The following EFCAB7 variants were observed in gnomAD, a reference collection of about 807,000 sequenced individuals.
The protein encoded by EFCAB7 is EF-hand calcium binding domain 7.
EFCAB7 carries 66 observed loss-of-function variants against 77.1 expected under a neutral mutation model. The observed-to-expected ratio is 0.86, with a 90% CI of 0.70 to 1.05. The LOEUF (loss-of-function observed/expected upper bound fraction) is 1.05, where lower values mean the gene tolerates loss of function less well. EFCAB7 is among the 50% of genes least tolerant of loss of function. The pLI, the probability that EFCAB7 is intolerant of heterozygous loss-of-function variation, is 0.00. For synonymous variants in EFCAB7, 225 were observed against 243.3 expected (o/e 0.92, Z 0.70); for missense variants, 638 against 730.5 (o/e 0.87, Z 1.46).
At chr1:63,523,985 T>C (rs1646529804) in intron 1 of EFCAB7, among the ~76,000 whole-genome samples, 1 of 152,096 alleles carries the variant, frequency 6.6e-6, no homozygotes, top group Admixed American at 6.5e-5. Flanking sequence ...TCTAGGCCCC[T>C]GTCTCAGTCT....
At chr1:63,532,603 A>G in intron 3 of EFCAB7, 67 bp from the exon 4 acceptor site, 4 of 1,239,064 alleles carry the variant, frequency 3.2e-6, no homozygotes, top group East Asian at 2.5e-5. Flanking sequence ...ATGTGCTTCC[A>G]CTGTCCCCAT....
chr1:63,565,191 G>T (rs217472), intron 11 of EFCAB7, among the ~76,000 whole-genome samples: 53,191 of 151,738 alleles, frequency 0.35, 9,483 homozygotes, highest in East Asian at 0.48. Flanking sequence ...AACCCCGTCT[G>T]TACTAAAAAT....
In EFCAB7 at chr1:63,545,926, A is replaced by G. The variant is rs774724419; in HGVS notation, c.815A>G (p.His272Arg). ...TTTCCTTCATTTCAGGACTGGCAAC[A>G]CATGCAATCAAAAGGTTGCTTCTTC... ...MEPNLIKDWQ[H>R]MQSKGCFFLE... Residue 272 changes from histidine (H) to arginine (R), a missense_variant, in exon 7 of 14, where the codon CAC becomes CGC. Coordinates refer to ENST00000371088, the MANE Select transcript of EFCAB7 (RefSeq NM_032437.4). The G allele has an allele frequency of 1.2e-6, 2 of 1,613,468 alleles. No individual in the cohort carries two copies. Among genetic ancestry groups the G allele is most frequent in the Non-Finnish European group, 1.7e-6 (2 of 1,179,808 alleles).
At chr1:63,551,674 A>T in intron 7 of EFCAB7, 51 bp from the exon 8 acceptor site, 1 of 807,734 alleles carries the variant, frequency 1.2e-6, no homozygotes, top group Non-Finnish European at 1.9e-6. Flanking sequence ...AGGAAAGAAT[A>T]GATAGTGATT....
intron 11 of EFCAB7, among the ~76,000 whole-genome samples, chr1:63,567,483 T>C (rs931038571): frequency 2.6e-5 from 4 of 151,920 alleles, no homozygotes; most frequent in African/African-American, 9.7e-5. Context: ...CAAAGGTGTT[T>C]TGAAACAACT....
rs1404970003 is a variant in EFCAB7, at chr1:63,555,456, T to G, written c.1155T>G (p.Asp385Glu). The part of the protein sequence containing the change: ...RLRKKIKPVT[D>E]EAQLVYRDET... ...GGAAAAAAATAAAACCAGTAACAGA[T>G]GAAGCCCAACTTGTATATAGAGATG... Residue 385 changes from aspartate (D) to glutamate (E), a missense_variant, in exon 9 of 14, where the codon GAT becomes GAG. Physicochemically the swap from Asp to Glu is conservative, Grantham distance 45. Transcript: ENST00000371088. 6.2e-7 allele frequency: 1 copy of G among 1,614,034 alleles called. No individual in the cohort carries two copies. Among genetic ancestry groups the G allele is most frequent in the Non-Finnish European group, 8.5e-7 (1 of 1,179,946 alleles).
the EFCAB7 span, among the ~76,000 whole-genome samples, chr1:63,579,873 C>G: frequency 6.6e-6 from 1 of 152,234 alleles, no homozygotes; most frequent in South Asian, 2.1e-4. Context: ...TTCTTCAAGC[C>G]TTTTGCCCAT....
Position 63,531,887 on chromosome 1 carries a change from C to G in EFCAB7, c.255C>G (p.Ala85=), listed in dbSNP as rs1646701422. 6.2e-7 allele frequency: 1 copy of G among 1,613,194 alleles called. No individual in the cohort carries two copies. ...ATAAGTATTGGACTCCTCAAACTGC[C>G]AAACTGAATTTTGATGATTTTTGTA... ...TINKYWTPQT[A]KLNFDDFCII... Residue 85 remains alanine (A), a synonymous_variant, in exon 3 of 14, where the codon GCC becomes GCG. Transcript: ENST00000371088.
At chr1:63,556,763 C>A (rs1325918019) in intron 9 of EFCAB7, among the ~76,000 whole-genome samples, 1 of 151,736 alleles carries the variant, frequency 6.6e-6, no homozygotes, top group Admixed American at 6.6e-5. Context: ...TGGTTCACGC[C>A]TGTAATCCCA....
rs1490100269 is a variant in EFCAB7, at chr1:63,534,258, A to G, written c.804+42A>G. ...TAACAGATGACTTTTTCTGAAAAAA[A>G]TTTGACATTAAGTTTATTAATAACT... On this transcript the variant is annotated intron_variant, in intron 6 of 13. Coordinates refer to ENST00000371088, the MANE Select transcript of EFCAB7 (RefSeq NM_032437.4). 3 of 1,573,200 alleles carry G rather than the reference A, an allele frequency of 1.9e-6. No individual in the cohort carries two copies. In the Admixed American group the frequency reaches 5.2e-5, roughly 27 times the overall value.
At chr1:63,575,003 A>T (rs1263824478), downstream of EFCAB7, among the ~76,000 whole-genome samples, 1 of 152,206 alleles carries the variant, frequency 6.6e-6, no homozygotes, top group Non-Finnish European at 1.5e-5. Flanking sequence ...TCTTTAGCAT[A>T]TTTATAAATT....
intron 9 of EFCAB7, 81 bp from the exon 10 acceptor site, chr1:63,557,033 G>A (rs1440258713): frequency 8.7e-5 from 95 of 1,094,084 alleles, no homozygotes; most frequent in South Asian, 1.8e-4. Context: ...GTGAGACTCC[G>A]TCTCAAAAAA....
At chr1:63,551,273 G>T (rs1646960918) in intron 7 of EFCAB7, among the ~76,000 whole-genome samples, 1 of 152,142 alleles carries the variant, frequency 6.6e-6, no homozygotes, top group Non-Finnish European at 1.5e-5. Context: ...GTGCCTTATT[G>T]CAAATGCTAT....
chr1:63,548,433 T>C (rs1646925347), intron 7 of EFCAB7: 1 of 152,256 alleles, frequency 6.6e-6, no homozygotes, highest in African/African-American at 2.4e-5. Flanking sequence ...TCTAGGTAGT[T>C]TTTGTTTTTG....
At chr1:63,562,252 G>T in intron 11 of EFCAB7, among the ~76,000 whole-genome samples, 1 of 151,580 alleles carries the variant, frequency 6.6e-6, no homozygotes, top group Non-Finnish European at 1.5e-5. Context: ...TGGATTTCTG[G>T]TCTTTTTATA....
At chr1:63,565,858 C>G (rs1647164888) in intron 11 of EFCAB7, among the ~76,000 whole-genome samples, 2 of 152,096 alleles carry the variant, frequency 1.3e-5, no homozygotes, top group Admixed American at 1.3e-4. Flanking sequence ...ATAAAAGATG[C>G]TGTTGAGATT....
Position 63,546,641 on chromosome 1 carries a change from T to C in EFCAB7, c.946+584T>C, listed in dbSNP as rs530697353. Among the ~76,000 whole-genome samples, 5 of 152,334 alleles carry C rather than the reference T, an allele frequency of 3.3e-5. No individual in the cohort carries two copies. In the South Asian group the frequency reaches 1.0e-3, roughly 32 times the overall value. ...CTTCGGCCTCTCAAAGGGCTGGGAT[T>C]ATAGGTGTGAGCCACCATGCCCAGC... is the stretch of plus-strand genomic sequence containing the variant. On this transcript the variant is annotated intron_variant, in intron 7 of 13. Coordinates refer to ENST00000371088, the MANE Select transcript of EFCAB7 (RefSeq NM_032437.4).
chr1:63,580,049 AGAG>A, the EFCAB7 span, among the ~76,000 whole-genome samples: 1 of 152,090 alleles, frequency 6.6e-6, no homozygotes, highest in South Asian at 2.1e-4. Flanking sequence ...GATCGTATAG[AGAG>A]TGAAAGTTTT....
intron 13 of EFCAB7, among the ~76,000 whole-genome samples, chr1:63,571,576 G>T (rs1357992252): frequency 6.6e-6 from 1 of 150,654 alleles, no homozygotes; most frequent in African/African-American, 2.4e-5. Context: ...GGGAGGCTGA[G>T]GCAGGAGAAT....
Sources: allele counts gnomAD v4.1 joint callset (sites outside exome capture counted in the v4.1 genomes callset), GRCh38; gene constraint gnomAD v4.1.1; transcripts MANE v1.5; gene names NCBI Gene and HGNC (gene_info 2026-07-23, HGNC 2026-07-21).